MSRA: variants seen among roughly 807,000 people sequenced by gnomAD.
The protein encoded by MSRA is mitochondrial peptide methionine sulfoxide reductase.
MSRA carries 54 observed loss-of-function variants against 31.3 expected under a neutral mutation model. The observed-to-expected ratio is 1.73, with a 90% confidence interval of 1.39 to 2.17. The LOEUF (loss-of-function observed/expected upper bound fraction) is 2.17. MSRA is among the 30% of genes most tolerant of loss of function. MSRA has a pLI of 0.00. For missense variants in MSRA, 507 were observed against 300.9 expected (o/e 1.69, Z -5.07); for synonymous variants, 169 against 116.5 (o/e 1.45, Z -2.90).
chr8:10,279,852 G>A (rs1275919609), intron 3 of MSRA, among the ~76,000 whole-genome samples: 2 of 152,170 alleles, frequency 1.3e-5, no homozygotes, highest in African/African-American at 4.8e-5. Context: ...GTAATCCTGA[G>A]TGTGCTTCTG....
At chr8:10,208,838 T>C (rs1008549262) in intron 2 of MSRA, among the ~76,000 whole-genome samples, 2 of 152,248 alleles carry the variant, frequency 1.3e-5, no homozygotes, top group African/African-American at 4.8e-5. Flanking sequence ...CTGGTCTTGA[T>C]GGTAATCTCC....
intron 1 of MSRA, among the ~76,000 whole-genome samples, chr8:10,147,402 C>T (rs1345681274): frequency 6.6e-6 from 1 of 152,194 alleles, no homozygotes; most frequent in Non-Finnish European, 1.5e-5. Flanking sequence ...CAGACCTTCA[C>T]CACGTAGGCC....
At chr8:10,193,681 C>G (rs1347608547) in intron 1 of MSRA, among the ~76,000 whole-genome samples, 1 of 152,190 alleles carries the variant, frequency 6.6e-6, no homozygotes, top group Non-Finnish European at 1.5e-5. Context: ...CCACCAAGCG[C>G]CTGTCTGTGT....
intron 1 of MSRA, among the ~76,000 whole-genome samples, chr8:10,098,577 A>G (rs1387784748): frequency 1.3e-5 from 2 of 152,232 alleles, no homozygotes; most frequent in Non-Finnish European, 2.9e-5. Context: ...AAACGCCTAG[A>G]TAGAAAAAGG....
At chr8:10,250,612 G>A in intron 3 of MSRA, 1 of 628,144 alleles carries the variant, frequency 1.6e-6, no homozygotes, top group Non-Finnish European at 2.9e-6. Context: ...GGATTTTCAA[G>A]CAGGCTGTTC....
intron 1 of MSRA, among the ~76,000 whole-genome samples, chr8:10,103,478 G>A (rs1437730090): frequency 6.6e-6 from 1 of 152,082 alleles, no homozygotes; most frequent in Non-Finnish European, 1.5e-5. Context: ...AACTCTAAAG[G>A]TTGACTTTTC....
At chr8:10,356,878 G>T (rs1270614321) in intron 5 of MSRA, among the ~76,000 whole-genome samples, 1 of 140,500 alleles carries the variant, frequency 7.1e-6, no homozygotes, top group African/African-American at 2.7e-5. Flanking sequence ...CTGTTTTTGA[G>T]CCTTGCCCAT....
At chr8:10,306,789 A>G (rs188125281) in intron 4 of MSRA, among the ~76,000 whole-genome samples, 1 of 152,336 alleles carries the variant, frequency 6.6e-6, no homozygotes, top group African/African-American at 2.4e-5. Flanking sequence ...GCCAAGCCAC[A>G]GGTACACCAG....
chr8:10,383,082 C>A (rs529998425), intron 5 of MSRA, among the ~76,000 whole-genome samples: 83 of 152,274 alleles, frequency 5.5e-4, no homozygotes, highest in African/African-American at 1.9e-3. Context: ...CCCACCTGAC[C>A]CTTGGGTAAA....
At chr8:10,058,353 T>A (rs1802511793) in intron 1 of MSRA, among the ~76,000 whole-genome samples, 1 of 152,088 alleles carries the variant, frequency 6.6e-6, no homozygotes. Context: ...GAAGAGGAGA[T>A]CATAAAAACA....
intron 3 of MSRA, among the ~76,000 whole-genome samples, chr8:10,271,709 A>G (rs981904937): frequency 7.1e-6 from 1 of 140,296 alleles, no homozygotes; most frequent in African/African-American, 2.6e-5. Context: ...TGTAATTTCC[A>G]TGGGTAGTCT....
intron 5 of MSRA, among the ~76,000 whole-genome samples, chr8:10,401,807 A>G (rs2129184208): frequency 6.6e-6 from 1 of 152,350 alleles, no homozygotes; most frequent in East Asian, 1.9e-4. Context: ...GCCAGTTACA[A>G]AAAGACAAAT....
intron 5 of MSRA, among the ~76,000 whole-genome samples, chr8:10,424,088 C>T (rs1049031375): frequency 1.3e-5 from 2 of 152,234 alleles, no homozygotes; most frequent in African/African-American, 4.8e-5. Flanking sequence ...TGTGGAGCAG[C>T]TTCTGCCTTC....
intron 5 of MSRA, among the ~76,000 whole-genome samples, chr8:10,418,908 T>G (rs1157214725): frequency 7.1e-6 from 1 of 141,056 alleles, no homozygotes; most frequent in Non-Finnish European, 1.5e-5. Context: ...CAGTGAGCCA[T>G]GATCACGCCA....
intron 4 of MSRA, among the ~76,000 whole-genome samples, chr8:10,310,869 T>A (rs1563336549): frequency 2.0e-5 from 3 of 152,270 alleles, no homozygotes; most frequent in Non-Finnish European, 4.4e-5. Flanking sequence ...CCGATGATTT[T>A]AAACTCTTTG....
At chr8:10,158,830 C>G (rs956445692) in intron 1 of MSRA, among the ~76,000 whole-genome samples, 2 of 152,178 alleles carry the variant, frequency 1.3e-5, no homozygotes, top group African/African-American at 4.8e-5. Context: ...AGTAGGTGTG[C>G]TATTTTTCAG....
chr8:10,316,273 A>G (rs1314498141), intron 4 of MSRA, among the ~76,000 whole-genome samples: 1 of 151,848 alleles, frequency 6.6e-6, no homozygotes, highest in African/African-American at 2.4e-5. Flanking sequence ...AATCGGAATA[A>G]TAGTGGTTAA....
At chr8:10,289,778 C>G (rs893081758) in intron 3 of MSRA, among the ~76,000 whole-genome samples, 1 of 152,192 alleles carries the variant, frequency 6.6e-6, no homozygotes, top group Admixed American at 6.5e-5. Flanking sequence ...CGCTTGACAA[C>G]TTACCCAGAG....
chr8:10,100,287 G>C (rs1246327992), intron 1 of MSRA, among the ~76,000 whole-genome samples: 1 of 152,182 alleles, frequency 6.6e-6, no homozygotes, highest in African/African-American at 2.4e-5. Flanking sequence ...GGGAGAGGCA[G>C]AGTCAGGAGC....
Sources: gnomAD v4.1 joint callset for allele counts (sites outside exome capture counted in the v4.1 genomes callset) on GRCh38, gnomAD v4.1.1 for gene constraint, MANE v1.5 for transcripts, NCBI Gene and HGNC (gene_info 2026-07-23, HGNC 2026-07-21) for gene names.